RSPO4: variants seen among roughly 807,000 people sequenced by gnomAD.
RSPO4 encodes the protein R-spondin-4.
RSPO4 carries 23 observed loss-of-function variants against 24.8 expected under a neutral mutation model. The ratio of observed to expected loss-of-function variants is 0.93; its 90% CI spans 0.67 to 1.31. The LOEUF is 1.31. Among genes scored for constraint, RSPO4 ranks in the 40% most tolerant of loss-of-function variants. The probability of loss-of-function intolerance (pLI) is 0.00; values close to 1 mark genes in which losing one functional copy is unlikely to be tolerated. For synonymous variants in RSPO4, 141 were observed against 127.4 expected, an observed-to-expected ratio of 1.11 and a Z score of -0.72; for missense variants, 333 against 316.5, an observed-to-expected ratio of 1.05 and a Z score of -0.39.
At chr20:962,543 C>T (rs1984035162) in intron 4 of RSPO4, among the ~76,000 whole-genome samples, 1 of 152,180 alleles carries the variant, frequency 6.6e-6, no homozygotes, top group Non-Finnish European at 1.5e-5. Context: ...AACTGTCTGC[C>T]TCCTGTGTGA....
intron 1 of RSPO4, among the ~76,000 whole-genome samples, chr20:969,850 G>C (rs1984354315): frequency 6.6e-6 from 1 of 152,094 alleles, no homozygotes; most frequent in Admixed American, 6.5e-5. Context: ...ACAGTAAATG[G>C]TTTCATGTTT....
chr20:985,371 T>C (rs1984887050), intron 1 of RSPO4, among the ~76,000 whole-genome samples: 3 of 152,208 alleles, frequency 2.0e-5, no homozygotes, highest in Admixed American at 6.5e-5. Flanking sequence ...CAGCAGATAT[T>C]TCTTGAATAT....
At chr20:975,882 A>G (rs1266081516) in intron 1 of RSPO4, among the ~76,000 whole-genome samples, 1 of 152,174 alleles carries the variant, frequency 6.6e-6, no homozygotes, top group African/African-American at 2.4e-5. Context: ...TGTTGTGATT[A>G]AAGGAGATGG....
chr20:960,681 T>C (rs1196698470), intron 4 of RSPO4, among the ~76,000 whole-genome samples: 1 of 152,084 alleles, frequency 6.6e-6, no homozygotes, highest in Non-Finnish European at 1.5e-5. Flanking sequence ...CTTCAGGGAG[T>C]GGCGAGGGCC....
At chr20:995,763 G>T (rs1314284328) in intron 1 of RSPO4, among the ~76,000 whole-genome samples, 1 of 152,152 alleles carries the variant, frequency 6.6e-6, no homozygotes, top group Non-Finnish European at 1.5e-5. Context: ...ACAGCTGTCA[G>T]GAGGGCCTCC....
chr20:991,993 G>A (rs1438526590), intron 1 of RSPO4, among the ~76,000 whole-genome samples: 1 of 151,928 alleles, frequency 6.6e-6, no homozygotes, highest in East Asian at 1.9e-4. Flanking sequence ...GCAGGGAGGC[G>A]GGGGAAGTGA....
intron 2 of RSPO4, 119 bp downstream of exon 2, chr20:967,831 G>T: frequency 9.5e-7 from 1 of 1,054,734 alleles, no homozygotes; most frequent in Non-Finnish European, 1.5e-6. Flanking sequence ...GTATCTCAGA[G>T]TCTGGGCTTA....
intron 1 of RSPO4, among the ~76,000 whole-genome samples, chr20:990,462 TTTCCTTCCTTCC>T (rs978734336): frequency 1.3e-5 from 2 of 150,362 alleles, no homozygotes; most frequent in East Asian, 3.9e-4. Flanking sequence ...CTCTTTTCTT[TTTCCTTCCTTCC>T]TTCCTTCTTT....
At chr20:974,241 C>G (rs971794145) in intron 1 of RSPO4, among the ~76,000 whole-genome samples, 1 of 152,240 alleles carries the variant, frequency 6.6e-6, no homozygotes, top group Non-Finnish European at 1.5e-5. Flanking sequence ...TTGGAAGTGT[C>G]TTCCCTGTTC....
At chr20:972,407 T>C (rs2317321) in intron 1 of RSPO4, among the ~76,000 whole-genome samples, 52,411 of 152,156 alleles carry the variant, frequency 0.34, 13,670 homozygotes, top group African/African-American at 0.73. Context: ...TCTAAGACTA[T>C]ATTTCCCAGG....
intron 4 of RSPO4, among the ~76,000 whole-genome samples, chr20:963,522 A>G (rs1439632600): frequency 2.0e-5 from 3 of 152,268 alleles, no homozygotes; most frequent in South Asian, 2.1e-4. Flanking sequence ...ATGTTGGGCC[A>G]AGCGCTTCCA....
chr20:982,141 T>G (rs538879609), intron 1 of RSPO4, among the ~76,000 whole-genome samples: 203 of 152,316 alleles, frequency 1.3e-3, no homozygotes, highest in African/African-American at 4.8e-3. Flanking sequence ...AGCAGCCAGA[T>G]GAGTTCGGGA....
At chr20:969,344 T>G (rs763424899) in intron 1 of RSPO4, among the ~76,000 whole-genome samples, 4 of 152,156 alleles carry the variant, frequency 2.6e-5, no homozygotes, top group Non-Finnish European at 5.9e-5. Flanking sequence ...GTGGACAGCC[T>G]AGGGAAGTGA....
chr20:990,626 A>G (rs1021804118), intron 1 of RSPO4, among the ~76,000 whole-genome samples: 3 of 151,384 alleles, frequency 2.0e-5, no homozygotes, highest in Non-Finnish European at 4.4e-5. Flanking sequence ...AGAGAATGAG[A>G]TGATCCACAA....
intron 1 of RSPO4, among the ~76,000 whole-genome samples, chr20:976,276 TC>T (rs1339616104): frequency 1.3e-5 from 2 of 152,164 alleles, no homozygotes; most frequent in African/African-American, 4.8e-5. Context: ...TTGTCCTCTT[TC>T]CCAGGTGAGC....
intron 1 of RSPO4, among the ~76,000 whole-genome samples, chr20:975,952 C>A (rs1300715214): frequency 6.6e-6 from 1 of 152,090 alleles, no homozygotes; most frequent in Non-Finnish European, 1.5e-5. Context: ...CTGAAGCTAC[C>A]ATTATTATAT....
Position 998,987 on chromosome 20 carries a change from T to G in RSPO4, c.79+3099A>C, listed in dbSNP as rs80210896. Among the ~76,000 whole-genome samples, 3 of 95,090 alleles carry G rather than the reference T, an allele frequency of 3.2e-5. No homozygotes were observed. The East Asian group carries it at 1.7e-3, about 53-fold the overall frequency. 62.4% of individuals were successfully genotyped at this position (95,090 alleles called of 152,430 possible). On this transcript the variant is annotated intron_variant, in intron 1 of 4. Transcript: ENST00000217260. ...GAAAGGTCACTCTCTCTCGCTCTCT[T>G]TTTTTTTTTTTTTTTTTGAGACAGG...
intron 1 of RSPO4, among the ~76,000 whole-genome samples, chr20:982,584 C>T (rs1984774481): frequency 6.6e-6 from 1 of 152,110 alleles, no homozygotes. Flanking sequence ...GAGTACTTGC[C>T]GAATGTCTCC....
chr20:987,490 G>C (rs7263440), intron 1 of RSPO4, among the ~76,000 whole-genome samples: 33,213 of 151,754 alleles, frequency 0.22, 8,191 homozygotes, highest in African/African-American at 0.61. Flanking sequence ...TTGCTCATTT[G>C]TAAAAGGAAC....
Sources: gnomAD v4.1 joint callset for allele counts (sites outside exome capture counted in the v4.1 genomes callset) on GRCh38, gnomAD v4.1.1 for gene constraint, MANE v1.5 for transcripts, NCBI Gene and HGNC (gene_info 2026-07-23, HGNC 2026-07-21) for gene names.